Variants in TNRC6A observed in about 807,000 individuals in gnomAD.
TNRC6A encodes trinucleotide repeat containing adaptor 6A.
In TNRC6A, 44 loss-of-function variants were observed where a neutral mutation model predicts 221.2. The observed-to-expected ratio is 0.20, with a 90% confidence interval of 0.16 to 0.26. The LOEUF is 0.26. Ranked by LOEUF, TNRC6A falls within the 10% of genes least tolerant of loss-of-function variation. TNRC6A has a pLI of 1.00. For synonymous variants in TNRC6A, 847 were observed against 838.5 expected, an observed-to-expected ratio of 1.01 and a Z score of -0.18; for missense variants, 2,199 against 2,404.4, an observed-to-expected ratio of 0.91 and a Z score of 1.79.
rs113729053 is a variant in TNRC6A at position 24,742,708 on chromosome 16, C to T, written c.54-8018C>T. Among the ~76,000 whole-genome samples the T allele has an allele frequency of 9.9e-5, 15 of 152,196 alleles. 1 individual carries two copies. The highest frequency in any genetic ancestry group is 2.9e-4 in the African/African-American group (12 of 41,536). ...AGGCCGAGACAGGTGAATCACCTGA[C>T]GTCAGGAGTTTGAGACCAGCCTGTC... On this transcript the variant is annotated intron_variant, in intron 2 of 24. Coordinates refer to ENST00000395799, the MANE Select transcript of TNRC6A (RefSeq NM_014494.4).
chr16:24,721,540 T>A (rs2056410418), intron 2 of TNRC6A, among the ~76,000 whole-genome samples: 1 of 152,110 alleles, frequency 6.6e-6, no homozygotes, highest in Non-Finnish European at 1.5e-5. Flanking sequence ...GTGCCATGCC[T>A]TATGCCTGTA....
intron 2 of TNRC6A, among the ~76,000 whole-genome samples, chr16:24,707,367 CA>C: frequency 6.6e-6 from 1 of 151,830 alleles, no homozygotes; most frequent in African/African-American, 2.4e-5. Context: ...CACACACACA[CA>C]CACACACACA....
intron 2 of TNRC6A, among the ~76,000 whole-genome samples, chr16:24,642,201 G>A (rs74013280): frequency 0.1 from 15,202 of 152,202 alleles, 1,374 homozygotes; most frequent in African/African-American, 0.24. Context: ...GCGGTGTGAG[G>A]AGGCTCAGAT....
intron 13 of TNRC6A, 68 bp from the exon 14 acceptor site, chr16:24,804,946 A>G: frequency 6.2e-7 from 1 of 1,614,066 alleles, no homozygotes; most frequent in South Asian, 1.1e-5. Context: ...AAATCATAGT[A>G]CAGTGTGGTA....
At position 24,789,451 on chromosome 16, in the gene TNRC6A, T is replaced by C; in HGVS notation, c.809T>C (p.Ile270Thr). 6.2e-6 allele frequency: 10 copies of C among 1,614,222 alleles called. No individual in the cohort carries two copies. Among genetic ancestry groups the C allele is most frequent in the Non-Finnish European group, 8.5e-6 (10 of 1,180,046 alleles). The change falls in exon 6 of 25, where the codon ATC (isoleucine) becomes ACC (threonine). Residue 270 changes from isoleucine to threonine, a missense_variant. Ile to Thr is a moderately conservative substitution (Grantham distance 89, BLOSUM62 -1). Coordinates refer to ENST00000395799, the MANE Select transcript of TNRC6A (RefSeq NM_014494.4). ...TCTGAATCAGAGAGAAACATCACTA[T>C]CATGGCTTCAGGGAACACAGGTGGT... ...SSSESERNITIMASGNTGGEK... is the reference protein window; with the variant it reads ...SSSESERNITTMASGNTGGEK...
rs148393794 is a variant in TNRC6A, at chr16:24,748,481, A to G, written c.54-2245A>G. On this transcript the variant is annotated intron_variant, in intron 2 of 24. Coordinates refer to ENST00000395799, the MANE Select transcript of TNRC6A (RefSeq NM_014494.4). ...TGGCCACAGTTGGCAGGAATCTGTT[A>G]TGTTACTCCATTAGCCACATGACAC... 2.0e-5 allele frequency among the ~76,000 whole-genome samples: 3 copies of G among 152,266 alleles called. No individual in the cohort carries two copies. In the East Asian group the frequency reaches 5.8e-4, roughly 29 times the overall value.
chr16:24,806,395 G>A, intron 16 of TNRC6A, 112 bp downstream of exon 16: 2 of 1,415,318 alleles, frequency 1.4e-6, no homozygotes, highest in East Asian at 2.4e-5. Context: ...TTACTAAGAT[G>A]TAATGCAGTA....
In TNRC6A at chr16:24,771,516, CATGTTATGTTATGTTATGTT is replaced by C. The variant is rs60883844; in HGVS notation, c.164-5391_164-5372del. Among the ~76,000 whole-genome samples, 512 of 88,110 alleles carry C rather than the reference CATGTTATGTTATGTTATGTT, an allele frequency of 5.8e-3. 1 individual carries two copies. The highest frequency in any genetic ancestry group is 9.1e-3 in the Non-Finnish European group (411 of 45,156). 57.8% of individuals were successfully genotyped at this position (88,110 alleles called of 152,430 possible). ...CCTGTAAAGTTATCTGAGCCTGGTG[CATGTTATGTTATGTTATGTT>C]ATGTTATGTTATGTTATGTTATGTT... On this transcript the variant is annotated intron_variant, in intron 4 of 24. Coordinates refer to ENST00000395799, the MANE Select transcript of TNRC6A (RefSeq NM_014494.4).
intron 2 of TNRC6A, among the ~76,000 whole-genome samples, chr16:24,675,690 CTCTCTCTCTCTCTATATATATATA>C (rs1244956355): frequency 2.6e-3 from 227 of 87,056 alleles, no homozygotes; most frequent in African/African-American, 8.8e-3. Context: ...CTCTCTCTCT[CTCTCTCTCTCTCTATATATATATA>C]TATATATATA....
chr16:24,689,917 T>A (rs538611399), intron 2 of TNRC6A, among the ~76,000 whole-genome samples: 47 of 144,454 alleles, frequency 3.3e-4, no homozygotes, highest in African/African-American at 1.1e-3. Context: ...GGCTGGCTAA[T>A]TTTAAAAAAT....
intron 16 of TNRC6A, 125 bp downstream of exon 16, chr16:24,806,408 T>A: frequency 7.2e-7 from 1 of 1,389,440 alleles, no homozygotes; most frequent in Non-Finnish European, 9.9e-7. Context: ...ATGCAGTATG[T>A]TTTTCATTAA....
intron 5 of TNRC6A, among the ~76,000 whole-genome samples, chr16:24,779,457 G>A (rs2057793497): frequency 6.6e-6 from 1 of 152,124 alleles, no homozygotes; most frequent in South Asian, 2.1e-4. Flanking sequence ...AGTGTTACTA[G>A]GATTGGTAAT....
intron 16 of TNRC6A, 96 bp from the exon 17 acceptor site, chr16:24,806,478 G>A (rs1225740604): frequency 6.7e-7 from 1 of 1,482,218 alleles, no homozygotes; most frequent in Non-Finnish European, 9.3e-7. Flanking sequence ...CCTTTCTGCT[G>A]AGACGAAAGT....
intron 2 of TNRC6A, among the ~76,000 whole-genome samples, chr16:24,741,345 A>G (rs1385632081): frequency 6.6e-6 from 1 of 152,204 alleles, no homozygotes; most frequent in Admixed American, 6.5e-5. Flanking sequence ...GTCTTGTAAA[A>G]GGATACTGGA....
At chr16:24,770,607 C>T (rs1350012037) in intron 4 of TNRC6A, among the ~76,000 whole-genome samples, 1 of 152,114 alleles carries the variant, frequency 6.6e-6, no homozygotes, top group Non-Finnish European at 1.5e-5. Flanking sequence ...TAAGCCATTA[C>T]CTAAAATGAA....
intron 18 of TNRC6A, among the ~76,000 whole-genome samples, chr16:24,814,148 C>T (rs2058603414): frequency 6.6e-6 from 1 of 152,124 alleles, no homozygotes; most frequent in East Asian, 1.9e-4. Flanking sequence ...GTGTGAGGCC[C>T]TGTCAGGGAC....
At chr16:24,812,080 A>G (rs2058557982) in intron 18 of TNRC6A, among the ~76,000 whole-genome samples, 1 of 98,904 alleles carries the variant, frequency 1.0e-5, no homozygotes, top group African/African-American at 3.8e-5. Flanking sequence ...ACAGAGTCTC[A>G]CTCGGTCACC....
chr16:24,625,604 T>C (rs1900925294), intron 1 of TNRC6A, among the ~76,000 whole-genome samples: 1 of 151,928 alleles, frequency 6.6e-6, no homozygotes, highest in Non-Finnish European at 1.5e-5. Flanking sequence ...CGGGCGCCTG[T>C]AGTCCCAGCT....
intron 2 of TNRC6A, among the ~76,000 whole-genome samples, chr16:24,658,791 T>C (rs1476003480): frequency 6.6e-6 from 1 of 152,022 alleles, no homozygotes; most frequent in Non-Finnish European, 1.5e-5. Flanking sequence ...ATTCTATTTT[T>C]TTGTGTATTT....
Sources: allele counts gnomAD v4.1 joint callset (sites outside exome capture counted in the v4.1 genomes callset), GRCh38; gene constraint gnomAD v4.1.1; transcripts MANE v1.5; gene names NCBI Gene and HGNC (gene_info 2026-07-23, HGNC 2026-07-21).